Variants in SLC4A4 observed in about 807,000 individuals in gnomAD.
The protein encoded by SLC4A4 is solute carrier family 4 member 4.
Under a neutral mutation model 111.5 loss-of-function variants are expected in SLC4A4, and 27 were observed. The observed-to-expected ratio is 0.24, with a 90% CI of 0.18 to 0.33. The LOEUF is 0.33. SLC4A4 is among the 10% of genes least tolerant of loss of function. The pLI is 1.00. For missense variants in SLC4A4, 909 were observed against 1,315.5 expected, an observed-to-expected ratio of 0.69 and a Z score of 4.78; for synonymous variants, 443 against 463.4, an observed-to-expected ratio of 0.96 and a Z score of 0.57.
chr4:71,178,387 A>C (rs1745163553), intron 2 of SLC4A4, among the ~76,000 whole-genome samples: 1 of 150,194 alleles, frequency 6.7e-6, no homozygotes, highest in Non-Finnish European at 1.5e-5. Flanking sequence ...GAGACACAAA[A>C]ATCCCTTCAA....
At chr4:71,289,943 G>A (rs542528641) in intron 3 of SLC4A4, among the ~76,000 whole-genome samples, 1 of 152,320 alleles carries the variant, frequency 6.6e-6, no homozygotes, top group Non-Finnish European at 1.5e-5. Flanking sequence ...ACAGATACTG[G>A]TAATTATTTA....
At chr4:71,112,626 G>A (rs116671367) in intron 2 of SLC4A4, among the ~76,000 whole-genome samples, 1,955 of 152,270 alleles carry the variant, frequency 0.013, 47 homozygotes, top group African/African-American at 0.044. Context: ...GCCTCCAAAG[G>A]AAGTCAGTCT....
At chr4:71,130,979 T>C (rs933388387) in intron 2 of SLC4A4, among the ~76,000 whole-genome samples, 1 of 152,118 alleles carries the variant, frequency 6.6e-6, no homozygotes, top group African/African-American at 2.4e-5. Flanking sequence ...TACACATCTA[T>C]CCCGTGCTGA....
intron 3 of SLC4A4, among the ~76,000 whole-genome samples, chr4:71,277,953 T>C (rs1349459214): frequency 6.6e-6 from 1 of 152,192 alleles, no homozygotes; most frequent in Non-Finnish European, 1.5e-5. Context: ...TTTTCTTCAG[T>C]GAGAACATTT....
chr4:71,164,074 C>T lies in SLC4A4; in HGVS notation c.-2+71282C>T, dbSNP rs181349843. On this transcript the variant is annotated intron_variant, in intron 2 of 26. Coordinates refer to the SLC4A4 transcript ENST00000649996. ...CAGCCTGGCCAACATGGCAAAACCC[C>T]GACTCTACTAAAAATACAAAAATAA... Among the ~76,000 whole-genome samples the T allele has an allele frequency of 3.3e-3, 469 of 140,446 alleles. 1 individual carries two copies. Among genetic ancestry groups the T allele is most frequent in the Admixed American group, 7.2e-3 (102 of 14,154 alleles). The allele number at this position is 140,446 out of a possible 152,430, so 92.1% of individuals were successfully genotyped here. A position where few individuals can be genotyped will look rare whatever the true frequency, so the allele number is the denominator to read the frequency against.
At chr4:71,278,901 C>G (rs931178916) in intron 3 of SLC4A4, among the ~76,000 whole-genome samples, 1 of 152,000 alleles carries the variant, frequency 6.6e-6, no homozygotes, top group Non-Finnish European at 1.5e-5. Flanking sequence ...ATATTTTCTC[C>G]CATTCCATAG....
intron 14 of SLC4A4, among the ~76,000 whole-genome samples, chr4:71,477,288 G>A (rs1728458498): frequency 6.6e-6 from 1 of 151,734 alleles, no homozygotes; most frequent in African/African-American, 2.4e-5. Context: ...TGGACACTGA[G>A]TAAAAATTTG....
intron 2 of SLC4A4, among the ~76,000 whole-genome samples, chr4:71,138,896 C>T (rs907885772): frequency 2.0e-5 from 3 of 151,934 alleles, no homozygotes; most frequent in South Asian, 2.1e-4. Context: ...ATTAGCCAGG[C>T]GTGGTGGTGG....
chr4:71,479,364 A>G (rs1728667435), intron 14 of SLC4A4, among the ~76,000 whole-genome samples: 1 of 151,720 alleles, frequency 6.6e-6, no homozygotes, highest in African/African-American at 2.4e-5. Context: ...TAGATGCTCT[A>G]AAATAGTTGT....
chr4:71,415,897 A>G (rs946796667), intron 7 of SLC4A4, among the ~76,000 whole-genome samples: 3 of 152,238 alleles, frequency 2.0e-5, no homozygotes, highest in Non-Finnish European at 4.4e-5. Context: ...AGCATTGTGC[A>G]TAAATACTTT....
intron 2 of SLC4A4, among the ~76,000 whole-genome samples, chr4:71,096,510 C>A (rs1453471298): frequency 5.3e-5 from 8 of 151,466 alleles, no homozygotes; most frequent in Non-Finnish European, 1.2e-4. Context: ...AAAAAGGTGC[C>A]AAAAAACTCA....
At chr4:71,376,398 T>C (rs984677023) in intron 6 of SLC4A4, among the ~76,000 whole-genome samples, 5 of 150,370 alleles carry the variant, frequency 3.3e-5, no homozygotes, top group African/African-American at 1.2e-4. Flanking sequence ...AGAGACGGGG[T>C]TTCACTGTGT....
chr4:71,166,258 A>G (rs766099570), intron 2 of SLC4A4, among the ~76,000 whole-genome samples: 40 of 152,350 alleles, frequency 2.6e-4, no homozygotes, highest in Middle Eastern at 6.8e-3. Flanking sequence ...TTGTAGAGGC[A>G]AAACAAATTG....
At chr4:71,388,412 C>T (rs1373185705) in intron 6 of SLC4A4, among the ~76,000 whole-genome samples, 1 of 152,016 alleles carries the variant, frequency 6.6e-6, no homozygotes, top group Non-Finnish European at 1.5e-5. Context: ...ATTTTCCAGT[C>T]TTTATATGTC....
rs74875487 is a variant in SLC4A4 at position 71,538,773 on chromosome 4, T to C, written c.2442+4385T>C. ...TTCCACTCTGCTGAACACCTCAGTA[T>C]TGATGTAGGAACGCCAAGACACTTG... On this transcript the variant is annotated intron_variant, in intron 18 of 25. Coordinates refer to ENST00000264485, the MANE Select transcript of SLC4A4 (RefSeq NM_001098484.3). 2.0e-3 allele frequency among the ~76,000 whole-genome samples: 310 copies of C among 152,114 alleles called. 1 individual carries two copies. Among genetic ancestry groups the C allele is most frequent in the African/African-American group, 6.9e-3 (286 of 41,516 alleles).
At chr4:71,245,992 C>A (rs1720629183) in intron 2 of SLC4A4, among the ~76,000 whole-genome samples, 1 of 152,220 alleles carries the variant, frequency 6.6e-6, no homozygotes, top group South Asian at 2.1e-4. Flanking sequence ...ATAGTAGCTA[C>A]TGGATTTGGC....
At chr4:71,440,459 G>A (rs901123348) in intron 7 of SLC4A4, among the ~76,000 whole-genome samples, 157 bp from the exon 8 acceptor site, 6 of 152,142 alleles carry the variant, frequency 3.9e-5, no homozygotes, top group Admixed American at 6.5e-5. Flanking sequence ...TAATGTAAAA[G>A]TGGCTAGCTA....
intron 2 of SLC4A4, among the ~76,000 whole-genome samples, chr4:71,154,830 T>C (rs1333401982): frequency 1.3e-5 from 2 of 152,178 alleles, no homozygotes; most frequent in African/African-American, 4.8e-5. Flanking sequence ...TTATTTCTTA[T>C]ATTTGTGAAG....
intron 24 of SLC4A4, among the ~76,000 whole-genome samples, chr4:71,566,273 C>T (rs62302090): frequency 6.6e-6 from 1 of 151,614 alleles, no homozygotes; most frequent in African/African-American, 2.4e-5. Flanking sequence ...CTTCATTTTT[C>T]TCCATGGAGC....
Sources: gnomAD v4.1 joint callset for allele counts (sites outside exome capture counted in the v4.1 genomes callset) on GRCh38, gnomAD v4.1.1 for gene constraint, MANE v1.5 for transcripts, NCBI Gene and HGNC (gene_info 2026-07-23, HGNC 2026-07-21) for gene names.